RTTN: variants seen among roughly 807,000 people sequenced by gnomAD.
The protein encoded by RTTN is rotatin.
RTTN carries 182 observed loss-of-function variants against 269.2 expected under a neutral mutation model. The observed-to-expected ratio is 0.68, with a 90% CI of 0.60 to 0.76. The LOEUF (loss-of-function observed/expected upper bound fraction) is 0.76. Among genes scored for constraint, RTTN ranks in the 30% least tolerant of loss-of-function variants. The pLI is 0.00. For missense variants in RTTN, 2,545 were observed against 2,608.6 expected (o/e 0.98, Z 0.53); for synonymous variants, 1,006 against 963.5 (o/e 1.04, Z -0.82).
chr18:70,014,001 T>C (rs1466468435), intron 46 of RTTN, among the ~76,000 whole-genome samples: 3 of 152,236 alleles, frequency 2.0e-5, no homozygotes, highest in African/African-American at 7.2e-5. Context: ...CTAAGTTCTC[T>C]GCTATACCTA....
intron 25 of RTTN, among the ~76,000 whole-genome samples, chr18:70,123,115 G>T (rs2059780395): frequency 6.6e-6 from 1 of 152,094 alleles, no homozygotes; most frequent in Non-Finnish European, 1.5e-5. Context: ...TCTGCAAGTG[G>T]TTGTGAGTCA....
At chr18:70,147,212 A>C (rs905928765) in intron 17 of RTTN, among the ~76,000 whole-genome samples, 1 of 152,232 alleles carries the variant, frequency 6.6e-6, no homozygotes, top group African/African-American at 2.4e-5. Flanking sequence ...CATGTACTGC[A>C]TAACAATGTT....
intron 23 of RTTN, chr18:70,130,271 T>C (rs750978035): frequency 2.6e-5 from 4 of 152,060 alleles, no homozygotes; most frequent in Admixed American, 6.6e-5. Context: ...ACAATCCCAC[T>C]GCTGGGTATA....
At chr18:70,191,173 G>A (rs374713544) in intron 8 of RTTN, among the ~76,000 whole-genome samples, 7 of 150,442 alleles carry the variant, frequency 4.7e-5, no homozygotes, top group East Asian at 2.0e-4. Context: ...CAGCCTGGGC[G>A]ACAGAGCAAG....
intron 28 of RTTN, among the ~76,000 whole-genome samples, chr18:70,108,537 C>A (rs1202419564): frequency 6.6e-6 from 1 of 151,994 alleles, no homozygotes; most frequent in African/African-American, 2.4e-5. Flanking sequence ...CTGACAAATT[C>A]TTTAAGAGAA....
intron 32 of RTTN, among the ~76,000 whole-genome samples, chr18:70,086,105 T>C (rs565783937): frequency 2.6e-5 from 4 of 152,022 alleles, no homozygotes; most frequent in Middle Eastern, 3.4e-3. Flanking sequence ...TGCACTAACC[T>C]AGAAAAGGAA....
intron 36 of RTTN, among the ~76,000 whole-genome samples, chr18:70,058,484 T>C (rs28568683): frequency 0.095 from 14,506 of 152,112 alleles, 2,099 homozygotes; most frequent in African/African-American, 0.31. Flanking sequence ...CGCCACTGCA[T>C]TCCAGCCTGG....
At chr18:70,197,883 C>A in intron 5 of RTTN, 145 bp from the exon 6 acceptor site, 1 of 615,284 alleles carries the variant, frequency 1.6e-6, no homozygotes, top group Non-Finnish European at 2.9e-6. Flanking sequence ...TAGATCTTTT[C>A]CCTAACCAAT....
At chr18:70,132,695 T>C (rs1286390817) in intron 23 of RTTN, among the ~76,000 whole-genome samples, 1 of 152,076 alleles carries the variant, frequency 6.6e-6, no homozygotes, top group Non-Finnish European at 1.5e-5. Flanking sequence ...TAATAATCAA[T>C]GGCCAATCCT....
chr18:70,113,703 T>G (rs1218732076), intron 27 of RTTN, among the ~76,000 whole-genome samples: 2 of 152,178 alleles, frequency 1.3e-5, no homozygotes, highest in Admixed American at 1.3e-4. Flanking sequence ...AATAGAATAT[T>G]ATTCAGTCAT....
chr18:70,054,754 G>A (rs1163144029), intron 37 of RTTN, among the ~76,000 whole-genome samples: 3 of 152,134 alleles, frequency 2.0e-5, no homozygotes, highest in Non-Finnish European at 2.9e-5. Context: ...AGAAGGTAGA[G>A]GCTATAGTGA....
intron 32 of RTTN, among the ~76,000 whole-genome samples, chr18:70,081,305 C>T (rs2058561494): frequency 6.6e-6 from 1 of 151,982 alleles, no homozygotes. Context: ...ACCACCTGTT[C>T]CCCAATAACC....
At chr18:70,128,697 T>C (rs1035119338) in intron 23 of RTTN, 151 bp from the exon 24 acceptor site, 1 of 619,298 alleles carries the variant, frequency 1.6e-6, no homozygotes, top group Non-Finnish European at 2.9e-6. Flanking sequence ...ATTATCATAA[T>C]TTATACAGTA....
intron 34 of RTTN, among the ~76,000 whole-genome samples, chr18:70,072,335 T>A (rs1376408315): frequency 6.6e-6 from 1 of 152,118 alleles, no homozygotes; most frequent in East Asian, 1.9e-4. Flanking sequence ...TTAAAAAAAC[T>A]GAAAAGATTC....
intron 7 of RTTN, among the ~76,000 whole-genome samples, 184 bp downstream of exon 7, chr18:70,196,317 G>C (rs1435572721): frequency 6.8e-6 from 1 of 146,778 alleles, no homozygotes; most frequent in East Asian, 2.0e-4. Context: ...AAAGGCTCAA[G>C]AGATCATGGC....
intron 26 of RTTN, among the ~76,000 whole-genome samples, chr18:70,117,125 T>C (rs548691551): frequency 2.6e-4 from 39 of 152,250 alleles, no homozygotes; most frequent in African/African-American, 8.2e-4. Context: ...CTCGGGAAGT[T>C]AGCTGATTTT....
chr18:70,054,069 G>C (rs770322823), intron 38 of RTTN, 62 bp downstream of exon 38: 2 of 1,359,590 alleles, frequency 1.5e-6, no homozygotes, highest in South Asian at 1.3e-5. Flanking sequence ...ATCTGAAACA[G>C]AGTAAGTTTT....
rs1303301124 is a variant in RTTN, at chr18:70,203,982, G to C, written c.397+104C>G. 4 of 846,768 alleles carry C rather than the reference G, an allele frequency of 4.7e-6. No individual in the cohort carries two copies. In the East Asian group the frequency reaches 1.1e-4, roughly 23 times the overall value. The allele number at this position is 846,768 out of a possible 1,614,324, so 52.5% of individuals were successfully genotyped here. A position where few individuals can be genotyped will look rare whatever the true frequency, so the allele number is the denominator to read the frequency against. ...AAGTTAACACAAGAAAAATAAGTTTGGGGGAGGTGGGAGAAATCCTTTTTA... is the reference window on the plus strand; with the variant it reads ...AAGTTAACACAAGAAAAATAAGTTTCGGGGAGGTGGGAGAAATCCTTTTTA... On this transcript the variant is annotated intron_variant, in intron 3 of 48. Coordinates refer to ENST00000640769, the MANE Select transcript of RTTN (RefSeq NM_173630.4).
Position 70,017,551 on chromosome 18 carries a change from G to C in RTTN, c.6277C>G (p.Gln2093Glu), listed in dbSNP as rs1335037811. The change falls in exon 46 of 49, where the codon CAA (glutamine) becomes GAA (glutamate). Residue 2093 changes from glutamine to glutamate, a missense_variant. Gln to Glu is a conservative substitution (Grantham distance 29, BLOSUM62 2). Coordinates refer to ENST00000640769, the MANE Select transcript of RTTN (RefSeq NM_173630.4). ...LNISSGEDGQ[Q>E]MILRLDGCLD... The stretch of plus-strand genomic sequence containing the variant: ...CAGCCATCAAGCCTCAGAATCATTT[G>C]TTGCCCATCTTCTCCAGATGATATA... The C allele has an allele frequency of 6.2e-7, 1 of 1,613,920 alleles. No homozygotes were observed. Among genetic ancestry groups the C allele is most frequent in the Admixed American group, 1.7e-5 (1 of 59,992 alleles).
Sources: allele counts gnomAD v4.1 joint callset (sites outside exome capture counted in the v4.1 genomes callset), GRCh38; gene constraint gnomAD v4.1.1; transcripts MANE v1.5; gene names NCBI Gene and HGNC (gene_info 2026-07-23, HGNC 2026-07-21).